Variants in TIMM23B observed in about 807,000 individuals in gnomAD.
TIMM23B encodes translocase of inner mitochondrial membrane 23 homolog B.
Under a neutral mutation model 27.3 loss-of-function variants are expected in TIMM23B, and 27 were observed. That is an observed-to-expected ratio of 0.99 (90% CI 0.73 to 1.36). The LOEUF (loss-of-function observed/expected upper bound fraction) is 1.36, where lower values mean the gene tolerates loss of function less well. TIMM23B is among the 40% of genes most tolerant of loss of function. The pLI, the probability that TIMM23B is intolerant of heterozygous loss-of-function variation, is 0.00. For missense variants in TIMM23B, 205 were observed against 244.2 expected (o/e 0.84, Z 1.07); for synonymous variants, 73 against 92.4 (o/e 0.79, Z 1.21).
rs1554857024 is a variant in TIMM23B at position 49,973,601 on chromosome 10, C to T, written c.*537C>T. The T allele has an allele frequency of 6.6e-6, 1 of 152,096 alleles. No individual in the cohort carries two copies. Among genetic ancestry groups the T allele is most frequent in the African/African-American group, 2.4e-5 (1 of 40,924 alleles). The allele number at this position is 152,096 out of a possible 1,614,324, so 9.4% of individuals were successfully genotyped here. ...CTGATGTAGGAGGATCACGTGACCC[C>T]AGTAGTTTGAGGCTGCAGTGAGCTA... On this transcript the variant is annotated 3_prime_UTR_variant, in exon 7 of 7. Coordinates refer to ENST00000651259, the MANE Select transcript of TIMM23B (RefSeq NM_001290117.2).
At chr10:49,970,785 AG>A (rs1840406604) in intron 6 of TIMM23B, among the ~76,000 whole-genome samples, 3 of 150,590 alleles carry the variant, frequency 2.0e-5, no homozygotes, top group Non-Finnish European at 4.4e-5. Flanking sequence ...CCTTCTGGGA[AG>A]TGAGGAGCCC....
intron 6 of TIMM23B, among the ~76,000 whole-genome samples, chr10:49,959,238 A>G (rs1170729415): frequency 6.6e-6 from 1 of 152,176 alleles, no homozygotes; most frequent in African/African-American, 2.4e-5. Flanking sequence ...TGGACAGACT[A>G]AGCAATAGAA....
At chr10:49,955,982 TG>T (rs1372349841) in intron 5 of TIMM23B, among the ~76,000 whole-genome samples, 6 of 152,182 alleles carry the variant, frequency 3.9e-5, no homozygotes, top group Non-Finnish European at 5.9e-5. Flanking sequence ...TGTCCTTGTC[TG>T]CCTAGGACTT....
At chr10:49,964,484 T>A (rs1466155028) in intron 6 of TIMM23B, among the ~76,000 whole-genome samples, 1 of 134,428 alleles carries the variant, frequency 7.4e-6, no homozygotes, top group African/African-American at 2.9e-5. Context: ...AATAATGAAA[T>A]GAATAATGAA....
chr10:49,946,016 G>T (rs1388756818), intron 2 of TIMM23B, among the ~76,000 whole-genome samples: 5 of 152,122 alleles, frequency 3.3e-5, no homozygotes, highest in African/African-American at 9.7e-5. Context: ...ATAGCGAAAC[G>T]CTGTTTCTAC....
At chr10:49,957,181 T>C (rs1243756849) in intron 5 of TIMM23B, among the ~76,000 whole-genome samples, 2 of 151,964 alleles carry the variant, frequency 1.3e-5, no homozygotes, top group African/African-American at 4.8e-5. Context: ...CCTCTTTGGG[T>C]TTGATTAATT....
intron 2 of TIMM23B, among the ~76,000 whole-genome samples, chr10:49,951,874 A>G (rs2133063091): frequency 6.6e-6 from 1 of 152,324 alleles, no homozygotes; most frequent in East Asian, 1.9e-4. Flanking sequence ...TTTTGCACAA[A>G]TCTATCAGAT....
intron 2 of TIMM23B, among the ~76,000 whole-genome samples, chr10:49,947,281 A>T (rs2133052220): frequency 6.6e-6 from 1 of 152,342 alleles, no homozygotes; most frequent in South Asian, 2.1e-4. Context: ...GTATTTAATC[A>T]GAATTTTAAA....
intron 6 of TIMM23B, among the ~76,000 whole-genome samples, chr10:49,959,997 C>T (rs1399992979): frequency 6.6e-6 from 1 of 151,310 alleles, no homozygotes; most frequent in Non-Finnish European, 1.5e-5. Flanking sequence ...GATCCACCCT[C>T]CTCAGCCTCC....
intron 6 of TIMM23B, among the ~76,000 whole-genome samples, chr10:49,970,861 G>A (rs1193771435): frequency 6.6e-6 from 1 of 152,234 alleles, no homozygotes; most frequent in Non-Finnish European, 1.5e-5. Flanking sequence ...GGGCCATGAT[G>A]ACGATGGCGG....
chr10:49,945,196 G>A (rs1399647097), intron 2 of TIMM23B, 106 bp downstream of exon 2: 4 of 1,070,788 alleles, frequency 3.7e-6, no homozygotes, highest in African/African-American at 1.6e-5. Context: ...GAGGCAGTAA[G>A]TCTCTGGTCT....
chr10:49,962,668 A>G (rs1318303533), intron 6 of TIMM23B, among the ~76,000 whole-genome samples: 5 of 152,294 alleles, frequency 3.3e-5, no homozygotes, highest in African/African-American at 9.6e-5. Context: ...CCTACCTGAA[A>G]TGCTGCATCA....
chr10:49,947,422 A>G (rs1442488281), intron 2 of TIMM23B, among the ~76,000 whole-genome samples: 1 of 152,016 alleles, frequency 6.6e-6, no homozygotes, highest in Non-Finnish European at 1.5e-5. Context: ...AGCCTGGCCA[A>G]CATGGTGAAA....
chr10:49,954,394 T>G (rs1232602802), intron 4 of TIMM23B: 5 of 369,350 alleles, frequency 1.4e-5, no homozygotes, highest in Non-Finnish European at 2.1e-5. Context: ...GCTGCTTGGT[T>G]CTAGTCTGGG....
intron 6 of TIMM23B, among the ~76,000 whole-genome samples, chr10:49,961,497 A>C (rs1440443936): frequency 6.6e-6 from 1 of 151,690 alleles, no homozygotes; most frequent in South Asian, 2.1e-4. Context: ...AATATATGGG[A>C]CTTTGAATAG....
chr10:49,948,497 AGT>A (rs1839422448), intron 2 of TIMM23B, among the ~76,000 whole-genome samples: 1 of 152,236 alleles, frequency 6.6e-6, no homozygotes, highest in Admixed American at 6.5e-5. Flanking sequence ...TGGATAAAAA[AGT>A]GTGGCATATC....
chr10:49,956,850 A>G (rs1206273377), intron 5 of TIMM23B, among the ~76,000 whole-genome samples: 1 of 147,926 alleles, frequency 6.8e-6, no homozygotes, highest in African/African-American at 2.4e-5. Flanking sequence ...TTCTAAATAT[A>G]ATTGCCATAC....
rs1355077216 is a variant in TIMM23B, at chr10:49,973,190, T to G, written c.*126T>G. 5.0e-6 allele frequency: 3 copies of G among 598,640 alleles called. No individual in the cohort carries two copies. The highest frequency in any genetic ancestry group is 1.9e-5 in the African/African-American group (1 of 53,378). 37.1% of individuals were successfully genotyped at this position (598,640 alleles called of 1,614,324 possible). ...AACCACCTCTGACTTTTCCATGGAA[T>G]GGACAAGTAGTAGTCTCTGTCAGAG... On this transcript the variant is annotated 3_prime_UTR_variant, in exon 7 of 7. Transcript: ENST00000651259.
chr10:49,947,199 A>G (rs1839379826), intron 2 of TIMM23B, among the ~76,000 whole-genome samples: 1 of 152,260 alleles, frequency 6.6e-6, no homozygotes, highest in Non-Finnish European at 1.5e-5. Flanking sequence ...AGTAGTTGTG[A>G]CTTTGGATTA....
Sources: allele counts gnomAD v4.1 joint callset (sites outside exome capture counted in the v4.1 genomes callset), GRCh38; gene constraint gnomAD v4.1.1; transcripts MANE v1.5; gene names NCBI Gene and HGNC (gene_info 2026-07-23, HGNC 2026-07-21).